The following ANTXRL variants were observed in gnomAD, a reference collection of about 807,000 sequenced individuals.
ANTXRL encodes the protein anthrax toxin receptor-like.
A neutral mutation model predicts 75.4 loss-of-function variants in ANTXRL; 63 were observed. The ratio of observed to expected loss-of-function variants is 0.84; its 90% CI spans 0.68 to 1.03. The LOEUF (loss-of-function observed/expected upper bound fraction) is 1.03. ANTXRL is among the 50% of genes least tolerant of loss of function. The probability of loss-of-function intolerance (pLI) is 0.00; values close to 1 mark genes in which losing one functional copy is unlikely to be tolerated. For synonymous variants in ANTXRL, 335 were observed against 291.3 expected, an observed-to-expected ratio of 1.15 and a Z score of -1.53; for missense variants, 797 against 789.4, an observed-to-expected ratio of 1.01 and a Z score of -0.12.
At chr10:46,308,158 A>G (rs1404256672) in intron 12 of ANTXRL, among the ~76,000 whole-genome samples, 2 of 152,140 alleles carry the variant, frequency 1.3e-5, no homozygotes, top group Non-Finnish European at 1.5e-5. Flanking sequence ...CTCACTTGTG[A>G]GGACACACCA....
At chr10:46,328,710 T>C (rs1839346470) in intron 16 of ANTXRL, among the ~76,000 whole-genome samples, 2 of 152,088 alleles carry the variant, frequency 1.3e-5, no homozygotes, top group Non-Finnish European at 2.9e-5. Context: ...TGGTGGTTTG[T>C]TGCACCACAT....
At position 46,287,343 on chromosome 10, in the gene ANTXRL, A is replaced by C; in HGVS notation, c.81A>C (p.Ala27=). The change falls in exon 1 of 17, where the codon GCA becomes GCC. Residue 27 remains alanine (A), a synonymous_variant. Transcript: ENST00000620264. ...LLLLPPPLFR[A]GSLRYHGPDW... is the part of the protein sequence containing the mutation. ...TGCTTCCTCCACCGCTTTTTAGAGC[A>C]GGAAGCCTTCGGTACCATGGACCTG... is the stretch of plus-strand genomic sequence containing the variant. 2 of 1,536,004 alleles carry C rather than the reference A, an allele frequency of 1.3e-6. No individual in the cohort carries two copies. Among genetic ancestry groups the C allele is most frequent in the Non-Finnish European group, 8.7e-7 (1 of 1,146,766 alleles).
intron 16 of ANTXRL, among the ~76,000 whole-genome samples, chr10:46,313,937 G>C (rs1838578125): frequency 6.6e-6 from 1 of 152,184 alleles, no homozygotes. Flanking sequence ...CTCTCCTTTT[G>C]GATCAGCACC....
intron 7 of ANTXRL, 86 bp from the exon 8 acceptor site, chr10:46,297,745 G>A: frequency 8.2e-7 from 1 of 1,220,408 alleles, no homozygotes; most frequent in East Asian, 2.6e-5. Context: ...CCCAAAGCAT[G>A]AGGGCAAGAC....
Position 46,296,094 on chromosome 10 carries a change from T to C in ANTXRL, c.468T>C (p.Phe156=). Residue 156 remains phenylalanine (F), a synonymous_variant, in exon 4 of 17, where the codon TTT becomes TTC. Transcript: ENST00000620264. The stretch of plus-strand genomic sequence containing the variant: ...GTCACACATTCATGCAGGCAGGATT[T>C]AGAAAGGTATAGACCCCTTGATCTC... ...PDGHTFMQAG[F]RKAIQQIESF... is the part of the protein sequence containing the mutation. 1 of 1,535,916 alleles carries C rather than the reference T, an allele frequency of 6.5e-7. No homozygotes were observed. The highest frequency in any genetic ancestry group is 8.7e-7 in the Non-Finnish European group (1 of 1,146,738).
At position 46,307,491 on chromosome 10, in the gene ANTXRL, G is replaced by C. The variant is rs1338635085; in HGVS notation, c.1044+11G>C. 7.2e-6 allele frequency: 11 copies of C among 1,533,448 alleles called. No homozygotes were observed. In the East Asian group the frequency reaches 7.3e-5, roughly 10 times the overall value. The allele number at this position is 1,533,448 out of a possible 1,614,324, so 95.0% of individuals were successfully genotyped here. On this transcript the variant is annotated intron_variant, in intron 12 of 16. Coordinates refer to ENST00000620264, the MANE Select transcript of ANTXRL (RefSeq NM_001278688.3). ...ACCAGCACCACATGTGTGAGTACCA[G>C]CATGGGGCTGCAAACATGTATGAGG...
At position 46,327,576 on chromosome 10, in the gene ANTXRL, G is replaced by A. The variant is rs1408828653; in HGVS notation, c.1411-2023G>A. ...GCAGGGCAGGGGCAGGAGAGGGCAGGTCACAGGACGGGGCCTAGATGGGAG... is the reference window on the plus strand; with the variant it reads ...GCAGGGCAGGGGCAGGAGAGGGCAGATCACAGGACGGGGCCTAGATGGGAG... On this transcript the variant is annotated intron_variant, in intron 16 of 16. Coordinates refer to ENST00000620264, the MANE Select transcript of ANTXRL (RefSeq NM_001278688.3). Among the ~76,000 whole-genome samples the A allele has an allele frequency of 5.3e-5, 8 of 152,202 alleles. No individual in the cohort carries two copies. The South Asian group carries it at 6.2e-4, about 12-fold the overall frequency.
chr10:46,307,598 A>G, intron 12 of ANTXRL, 118 bp downstream of exon 12: 1 of 960,910 alleles, frequency 1.0e-6, no homozygotes, highest in Non-Finnish European at 1.6e-6. Flanking sequence ...CGTGTGCAGC[A>G]GGCACCTGAG....
In ANTXRL at chr10:46,309,208, T is replaced by G. The variant is rs1588842459; in HGVS notation, c.1134+6T>G. ...GGCGGCTGTGCCGCAAGCAGGCAAG[T>G]GCTCCCTGCCCGCCCAGCTCTGGGG... On this transcript the variant is annotated splice_donor_region_variant and intron_variant, in intron 13 of 16. Transcript: ENST00000620264. 6.5e-7 allele frequency: 1 copy of G among 1,535,534 alleles called. No homozygotes were observed. The highest frequency in any genetic ancestry group is 1.4e-5 in the African/African-American group (1 of 73,006).
chr10:46,328,215 G>T (rs1165778341), intron 16 of ANTXRL, among the ~76,000 whole-genome samples: 10 of 152,178 alleles, frequency 6.6e-5, no homozygotes, highest in Non-Finnish European at 1.5e-4. Flanking sequence ...GTCTGAAAAG[G>T]TGAGCAGCAG....
intron 10 of ANTXRL, among the ~76,000 whole-genome samples, chr10:46,305,427 A>G (rs2132760605): frequency 6.6e-6 from 1 of 152,340 alleles, no homozygotes; most frequent in Non-Finnish European, 1.5e-5. Flanking sequence ...AGGGAGGTGG[A>G]AAAGAAAAGC....
upstream of ANTXRL, chr10:46,286,517 A>C (rs1364291625): frequency 6.6e-6 from 1 of 152,150 alleles, no homozygotes; most frequent in African/African-American, 2.4e-5. Context: ...AGACATGAGG[A>C]GCCCTCCTAA....
At position 46,293,884 on chromosome 10, in the gene ANTXRL, C is replaced by T. The variant is rs1554957664; in HGVS notation, c.376C>T (p.Pro126Ser). The T allele has an allele frequency of 1.3e-6, 2 of 1,535,690 alleles. No homozygotes were observed. Among genetic ancestry groups the T allele is most frequent in the Non-Finnish European group, 1.7e-6 (2 of 1,146,640 alleles). Residue 126 changes from proline to serine, a missense_variant, in exon 3 of 17, where the codon CCA (proline) becomes TCA (serine). Pro to Ser is a moderately conservative substitution (Grantham distance 74). This residue lies in a region of ANTXRL where 262 missense variants were observed against 271.9 expected (regional missense o/e 0.96). Coordinates refer to ENST00000620264, the MANE Select transcript of ANTXRL (RefSeq NM_001278688.3). ...TYSTDGQTVL[P>S]LTSDKNRIKN... Reference sequence around the variant, plus strand: ...CTCCACAGACGGCCAGACTGTCTTGCCACTCACCTCAGACAAGTGAGTGCT... The same window carrying T: ...CTCCACAGACGGCCAGACTGTCTTGTCACTCACCTCAGACAAGTGAGTGCT...
intron 16 of ANTXRL, among the ~76,000 whole-genome samples, chr10:46,329,333 T>G (rs1334024097): frequency 2.6e-5 from 4 of 151,970 alleles, no homozygotes; most frequent in African/African-American, 9.7e-5. Flanking sequence ...AAGCAAACAA[T>G]TTCGACTGGA....
chr10:46,317,346 T>A (rs1838782793), intron 16 of ANTXRL, among the ~76,000 whole-genome samples: 1 of 152,218 alleles, frequency 6.6e-6, no homozygotes, highest in Non-Finnish European at 1.5e-5. Flanking sequence ...CATGATACAT[T>A]TGTGAATATT....
intron 1 of ANTXRL, among the ~76,000 whole-genome samples, chr10:46,290,806 TTG>T (rs1836953196): frequency 1.3e-5 from 2 of 152,146 alleles, no homozygotes; most frequent in African/African-American, 4.8e-5. Flanking sequence ...TTCGTTGTTG[TTG>T]TAGGAGTTCT....
chr10:46,314,124 G>C (rs1838588967), intron 16 of ANTXRL, among the ~76,000 whole-genome samples: 1 of 152,196 alleles, frequency 6.6e-6, no homozygotes, highest in African/African-American at 2.4e-5. Flanking sequence ...GCCAGCATAG[G>C]TTCTCAGTGG....
At position 46,329,928 on chromosome 10, in the gene ANTXRL, C is replaced by A. The variant is rs1554967307; in HGVS notation, c.1740C>A (p.Ser580Arg). 6.5e-7 allele frequency: 1 copy of A among 1,535,940 alleles called. No homozygotes were observed. The highest frequency in any genetic ancestry group is 2.0e-5 in the Admixed American group (1 of 50,988). The change falls in exon 17 of 17, where the codon AGC becomes AGA. Residue 580 changes from serine (S) to arginine (R), a missense_variant. By Grantham distance (110) the Ser-to-Arg change is moderately radical (BLOSUM62 -1). Around this residue, in one of 3 missense-constraint regions of ANTXRL, gnomAD observed 479 missense variants for 422.0 expected, o/e 1.14. Coordinates refer to ENST00000620264, the MANE Select transcript of ANTXRL (RefSeq NM_001278688.3). ...ACCCAAAGAGCTGCCTTCAACCCAG[C>A]CGGGAGTGCCTCCCCCTCACCTGCT... is the stretch of plus-strand genomic sequence containing the variant. ...LCNPKSCLQP[S>R]RECLPLTCSS...
At chr10:46,316,648 C>T (rs1707488162) in intron 16 of ANTXRL, among the ~76,000 whole-genome samples, 1 of 152,132 alleles carries the variant, frequency 6.6e-6, no homozygotes, top group Non-Finnish European at 1.5e-5. Flanking sequence ...CAGGTTCCAC[C>T]CCATGTCCTG....
Sources: allele counts gnomAD v4.1 joint callset (sites outside exome capture counted in the v4.1 genomes callset), GRCh38; gene constraint gnomAD v4.1.1; regional missense constraint gnomAD v4.1.1; transcripts MANE v1.5; gene names NCBI Gene and HGNC (gene_info 2026-07-23, HGNC 2026-07-21).